Variants in RAPGEF4 observed in about 807,000 individuals in gnomAD.
The protein encoded by RAPGEF4 is Rap guanine nucleotide exchange factor 4, also known as RAP guanine-nucleotide-exchange factor (GEF) 4.
Under a neutral mutation model 147.9 loss-of-function variants are expected in RAPGEF4, and 66 were observed. The ratio of observed to expected loss-of-function variants is 0.45; its 90% CI spans 0.37 to 0.55. The LOEUF (loss-of-function observed/expected upper bound fraction) is 0.55, where lower values mean the gene tolerates loss of function less well. Among genes scored for constraint, RAPGEF4 ranks in the 20% least tolerant of loss-of-function variants. The pLI, the probability that RAPGEF4 is intolerant of heterozygous loss-of-function variation, is 0.00. For synonymous variants in RAPGEF4, 419 were observed against 442.7 expected (o/e 0.95, Z 0.67); for missense variants, 1,071 against 1,257.3 (o/e 0.85, Z 2.24).
rs182959482 is a variant in RAPGEF4, at chr2:173,019,111, A to G, written c.2155+309A>G. Among the ~76,000 whole-genome samples the G allele has an allele frequency of 6.3e-4, 96 of 152,304 alleles. 1 individual carries two copies. Among genetic ancestry groups the G allele is most frequent in the Non-Finnish European group, 1.2e-4 (8 of 68,036 alleles). ...AGTTTTAGGCCTTGGAGCCCTGAAA[A>G]ATATGGGCCCCAAGAGGAAATCTAG... On this transcript the variant is annotated intron_variant, in intron 22 of 30. Transcript: ENST00000397081.
At chr2:172,833,799 T>C (rs1243634815) in intron 4 of RAPGEF4, among the ~76,000 whole-genome samples, 1 of 152,212 alleles carries the variant, frequency 6.6e-6, no homozygotes, top group East Asian at 1.9e-4. Context: ...AGACATTTCA[T>C]TCATTAATTT....
At position 173,048,357 on chromosome 2, in the gene RAPGEF4, C is replaced by T. The variant is rs939403789; in HGVS notation, c.2854-243C>T. On this transcript the variant is annotated intron_variant, in intron 29 of 30. Transcript: ENST00000397081. Reference sequence around the variant, plus strand: ...TGTTTTTTACATCATGGGGAATATGCCAACAATTATGAGAGTTATGCCATT... The same window carrying T: ...TGTTTTTTACATCATGGGGAATATGTCAACAATTATGAGAGTTATGCCATT... 50 of 779,098 alleles carry T rather than the reference C, an allele frequency of 6.4e-5. No homozygotes were observed. The Middle Eastern group carries it at 2.1e-3, about 33-fold the overall frequency. The allele number at this position is 779,098 out of a possible 1,614,324, so 48.3% of individuals were successfully genotyped here. A position where few individuals can be genotyped will look rare whatever the true frequency, so the allele number is the denominator to read the frequency against.
rs532519460 is a variant in RAPGEF4 at position 172,999,051 on chromosome 2, C to T, written c.1580-2215C>T. ...TTTTTAATTACTGTTCCTTGCAGAGCAGGGCTAACCCATGGGCAGTGTGCC... is the reference window on the plus strand; with the variant it reads ...TTTTTAATTACTGTTCCTTGCAGAGTAGGGCTAACCCATGGGCAGTGTGCC... On this transcript the variant is annotated intron_variant, in intron 16 of 30. Transcript: ENST00000397081. Among the ~76,000 whole-genome samples, 3 of 152,246 alleles carry T rather than the reference C, an allele frequency of 2.0e-5. No individual in the cohort carries two copies. The South Asian group carries it at 6.2e-4, about 32-fold the overall frequency.
At chr2:173,024,944 C>A (rs1440058931) in intron 23 of RAPGEF4, among the ~76,000 whole-genome samples, 2 of 152,214 alleles carry the variant, frequency 1.3e-5, no homozygotes, top group East Asian at 3.9e-4. Context: ...CCCAAGGGAC[C>A]ATCCTGGATG....
At chr2:172,860,126 A>G (rs1693861999) in intron 4 of RAPGEF4, 2 of 985,352 alleles carry the variant, frequency 2.0e-6, no homozygotes, top group African/African-American at 1.7e-5. Context: ...ATGCTGCAGA[A>G]AAGCCAAGAT....
chr2:172,927,261 T>C (rs934412956), intron 6 of RAPGEF4, among the ~76,000 whole-genome samples: 1 of 152,200 alleles, frequency 6.6e-6, no homozygotes, highest in African/African-American at 2.4e-5. Context: ...ACCTTTTGAC[T>C]GTGAGGGTCA....
intron 4 of RAPGEF4, among the ~76,000 whole-genome samples, chr2:172,872,112 G>A (rs1695313387): frequency 1.3e-5 from 2 of 152,116 alleles, no homozygotes; most frequent in African/African-American, 4.8e-5. Flanking sequence ...TCTTACTTCA[G>A]TTTCCAAATT....
intron 5 of RAPGEF4, among the ~76,000 whole-genome samples, chr2:172,920,635 G>A (rs1032015203): frequency 2.0e-5 from 3 of 152,122 alleles, no homozygotes; most frequent in African/African-American, 4.8e-5. Context: ...TCAAGTTCCT[G>A]TGTGGCCTCA....
intron 6 of RAPGEF4, among the ~76,000 whole-genome samples, chr2:172,932,802 C>A (rs918020328): frequency 6.6e-6 from 1 of 152,146 alleles, no homozygotes; most frequent in African/African-American, 2.4e-5. Flanking sequence ...TCATACTGAA[C>A]ATGTATCAAA....
intron 8 of RAPGEF4, among the ~76,000 whole-genome samples, chr2:172,964,327 G>A (rs1286176442): frequency 6.7e-6 from 1 of 150,294 alleles, no homozygotes; most frequent in African/African-American, 2.4e-5. Flanking sequence ...CAATTCCTCT[G>A]ATAGATTTCA....
chr2:172,857,233 T>C (rs1449677919), intron 4 of RAPGEF4, among the ~76,000 whole-genome samples: 1 of 151,800 alleles, frequency 6.6e-6, no homozygotes, highest in Admixed American at 6.6e-5. Flanking sequence ...CCCAAGGTCA[T>C]ACAGCTGGTA....
intron 10 of RAPGEF4, 45 bp downstream of exon 10, chr2:172,967,489 CTA>C: frequency 1.3e-6 from 2 of 1,576,552 alleles, no homozygotes; most frequent in Non-Finnish European, 1.7e-6. Context: ...CCAAGGCCGC[CTA>C]GTGCATAGAC....
At chr2:172,894,888 A>C (rs1351056298) in intron 4 of RAPGEF4, among the ~76,000 whole-genome samples, 1 of 152,128 alleles carries the variant, frequency 6.6e-6, no homozygotes, top group Non-Finnish European at 1.5e-5. Context: ...GGCAGTGAAC[A>C]TTGCGTAGTA....
chr2:172,850,344 G>A (rs776712621), intron 4 of RAPGEF4, among the ~76,000 whole-genome samples: 2 of 152,124 alleles, frequency 1.3e-5, no homozygotes, highest in Non-Finnish European at 2.9e-5. Flanking sequence ...CAGGCCAGGC[G>A]TGGTGGCTCA....
chr2:172,997,394 A>G (rs1046646345), intron 16 of RAPGEF4, among the ~76,000 whole-genome samples: 9 of 152,224 alleles, frequency 5.9e-5, no homozygotes, highest in African/African-American at 2.2e-4. Context: ...CCACATCTGC[A>G]AAGACCCTAT....
rs532653731 is a variant in RAPGEF4 at position 172,741,480 on chromosome 2, C to T, written c.65+5432C>T. On this transcript the variant is annotated intron_variant, in intron 1 of 30. Transcript: ENST00000397081. ...GCGTGGGTGACACCATCCACATCTG[C>T]CTCTGTTGCTTCTTCTATGTTTTTT... Among the ~76,000 whole-genome samples the T allele has an allele frequency of 1.8e-3, 281 of 152,256 alleles. 1 individual carries two copies. Among genetic ancestry groups the T allele is most frequent in the Admixed American group, 6.0e-3 (92 of 15,296 alleles).
chr2:172,920,356 A>G (rs1684611575), intron 5 of RAPGEF4, among the ~76,000 whole-genome samples: 1 of 152,180 alleles, frequency 6.6e-6, no homozygotes, highest in Non-Finnish European at 1.5e-5. Context: ...AATAGCTGGC[A>G]TGATTTTCCT....
chr2:172,886,677 C>T (rs1697259854), intron 4 of RAPGEF4, among the ~76,000 whole-genome samples: 2 of 151,674 alleles, frequency 1.3e-5, no homozygotes, highest in African/African-American at 4.8e-5. Flanking sequence ...AAGTGAGATT[C>T]CCACCTCTAC....
chr2:172,937,226 GA>G lies in RAPGEF4; in HGVS notation c.537+14936del, dbSNP rs780295405. Reference sequence around the variant, plus strand: ...GCAGAGCAAGACCCTGTCTCTTAAAGAAAAAAAAAAGTCTGTAGTTTATTTA... The same window carrying G: ...GCAGAGCAAGACCCTGTCTCTTAAAGAAAAAAAAAGTCTGTAGTTTATTTA... On this transcript the variant is annotated intron_variant, in intron 6 of 30. Coordinates refer to ENST00000397081, the MANE Select transcript of RAPGEF4 (RefSeq NM_007023.4). Among the ~76,000 whole-genome samples the G allele has an allele frequency of 6.2e-4, 91 of 146,432 alleles. 1 individual carries two copies. The highest frequency in any genetic ancestry group is 4.8e-3 in the South Asian group (22 of 4,578).
Sources: gnomAD v4.1 joint callset for allele counts (sites outside exome capture counted in the v4.1 genomes callset) on GRCh38, gnomAD v4.1.1 for gene constraint, MANE v1.5 for transcripts, NCBI Gene and HGNC (gene_info 2026-07-23, HGNC 2026-07-21) for gene names.